MMP26: variants seen among roughly 807,000 people sequenced by gnomAD.
MMP26 encodes the protein matrix metallopeptidase 26, also known as matrix metalloproteinase-26.
In MMP26, 33 loss-of-function variants were observed where a neutral mutation model predicts 31.0. That is an observed-to-expected ratio of 1.06 (90% CI 0.81 to 1.42). The LOEUF (loss-of-function observed/expected upper bound fraction) is 1.42, where lower values mean the gene tolerates loss of function less well. Among genes scored for constraint, MMP26 ranks in the 40% most tolerant of loss-of-function variants. The probability of loss-of-function intolerance (pLI) is 0.00; values close to 1 mark genes in which losing one functional copy is unlikely to be tolerated. For synonymous variants in MMP26, 122 were observed against 114.9 expected, an observed-to-expected ratio of 1.06 and a Z score of -0.40; for missense variants, 347 against 316.1, an observed-to-expected ratio of 1.10 and a Z score of -0.74.
intron 2 of MMP26, among the ~76,000 whole-genome samples, chr11:4,873,427 G>A (rs1167789640): frequency 6.6e-6 from 1 of 152,092 alleles, no homozygotes; most frequent in African/African-American, 2.4e-5. Context: ...AAAGTGCAAA[G>A]TCATTGAGAC....
chr11:4,827,198 G>A (rs537046734), intron 2 of MMP26, among the ~76,000 whole-genome samples: 34 of 152,248 alleles, frequency 2.2e-4, no homozygotes, highest in African/African-American at 6.0e-4. Context: ...TAGAAGCAGC[G>A]AATTCACAGG....
intron 1 of MMP26, among the ~76,000 whole-genome samples, chr11:4,720,276 T>C (rs956496519): frequency 1.3e-5 from 2 of 152,264 alleles, no homozygotes; most frequent in African/African-American, 2.4e-5. Context: ...AGTAATGTCA[T>C]GCTTATTGCT....
intron 1 of MMP26, chr11:4,710,503 A>C (rs1283979571): frequency 2.4e-6 from 1 of 423,980 alleles, no homozygotes; most frequent in Admixed American, 2.5e-5. Context: ...TTTCTTTCTA[A>C]GCTAATTTAG....
At chr11:4,757,212 A>G (rs1589891834) in intron 1 of MMP26, among the ~76,000 whole-genome samples, 1 of 152,218 alleles carries the variant, frequency 6.6e-6, no homozygotes, top group East Asian at 1.9e-4. Flanking sequence ...AGGTGTCAAG[A>G]CAATTAAATG....
chr11:4,832,039 A>C (rs1262588874), intron 2 of MMP26: 2 of 152,186 alleles, frequency 1.3e-5, no homozygotes, highest in Non-Finnish European at 2.9e-5. Flanking sequence ...CAACAACTGA[A>C]CTTAAATATG....
At chr11:4,964,774 G>A (rs1380882801) in intron 2 of MMP26, among the ~76,000 whole-genome samples, 2 of 152,224 alleles carry the variant, frequency 1.3e-5, no homozygotes, top group African/African-American at 4.8e-5. Context: ...GCAGCGACAA[G>A]GATGGAGCTA....
At chr11:4,848,367 G>C in intron 2 of MMP26, 2 of 1,614,162 alleles carry the variant, frequency 1.2e-6, no homozygotes, top group South Asian at 1.1e-5. Context: ...GGATAGAAGA[G>C]TATGGGTATG....
chr11:4,882,504 T>C lies in MMP26; in HGVS notation c.-144-105564T>C, dbSNP rs777754070. The stretch of plus-strand genomic sequence containing the variant: ...CCTTGGATCAGCAGTTTTTGGGGAC[T>C]GTTTCTTCAGCTCTACCTGAATGGC... On this transcript the variant is annotated intron_variant, in intron 2 of 7. Coordinates refer to ENST00000380390, the MANE Select transcript of MMP26 (RefSeq NM_021801.5). 3 of 1,613,852 alleles carry C rather than the reference T, an allele frequency of 1.9e-6. No homozygotes were observed. In the African/African-American group the frequency reaches 4.0e-5, roughly 22 times the overall value.
intron 2 of MMP26, among the ~76,000 whole-genome samples, chr11:4,815,338 C>T (rs1246626129): frequency 1.3e-5 from 2 of 152,088 alleles, no homozygotes; most frequent in Non-Finnish European, 2.9e-5. Flanking sequence ...GGGTGAAATT[C>T]GGCATCACTG....
chr11:4,975,231 A>G (rs1330697552), intron 2 of MMP26, among the ~76,000 whole-genome samples: 3 of 152,108 alleles, frequency 2.0e-5, no homozygotes, highest in East Asian at 1.9e-4. Context: ...ATATTTACCT[A>G]GAGTTTGGAA....
chr11:4,949,949 T>C (rs1043149565), intron 2 of MMP26, among the ~76,000 whole-genome samples: 1 of 123,410 alleles, frequency 8.1e-6, no homozygotes, highest in African/African-American at 2.7e-5. Flanking sequence ...TCCGGAGTCA[T>C]GAAAATTTTA....
At chr11:4,854,860 G>A (rs1350557664) in intron 2 of MMP26, among the ~76,000 whole-genome samples, 5 of 152,148 alleles carry the variant, frequency 3.3e-5, no homozygotes, top group Admixed American at 6.5e-5. Context: ...CCTCTGAGAC[G>A]AAGCTTCCAG....
At chr11:4,822,339 C>T in intron 2 of MMP26, 1 of 1,497,236 alleles carries the variant, frequency 6.7e-7, no homozygotes, top group African/African-American at 1.4e-5. Context: ...AGGCCATTAT[C>T]AAGGTCTTAA....
At chr11:4,808,481 A>C (rs73403027) in intron 2 of MMP26, among the ~76,000 whole-genome samples, 14,967 of 151,970 alleles carry the variant, frequency 0.098, 1,779 homozygotes, top group African/African-American at 0.29. Context: ...GTGTGTGCTG[A>C]TTTCTCGGGG....
At chr11:4,909,526 A>G (rs1589936014) in intron 2 of MMP26, 1 of 152,302 alleles carries the variant, frequency 6.6e-6, no homozygotes, top group East Asian at 1.9e-4. Context: ...TGTCATGACT[A>G]GGAAAGCAGC....
intron 2 of MMP26, among the ~76,000 whole-genome samples, chr11:4,918,258 G>A (rs1418235277): frequency 6.6e-6 from 1 of 152,040 alleles, no homozygotes; most frequent in African/African-American, 2.4e-5. Flanking sequence ...GAAAAATTTT[G>A]GTTAACGAAT....
At chr11:4,850,619 A>C (rs1849961525) in intron 2 of MMP26, among the ~76,000 whole-genome samples, 3 of 152,106 alleles carry the variant, frequency 2.0e-5, no homozygotes, top group Admixed American at 2.0e-4. Context: ...AAATAAAAAA[A>C]CTTGCTAGGT....
intron 2 of MMP26, chr11:4,945,157 A>C (rs1245500714): frequency 2.6e-5 from 4 of 152,176 alleles, no homozygotes; most frequent in Non-Finnish European, 4.4e-5. Flanking sequence ...AGATGAAAGA[A>C]TAAACCCGCA....
At chr11:4,764,717 C>G (rs1848607006) in intron 1 of MMP26, among the ~76,000 whole-genome samples, 1 of 152,038 alleles carries the variant, frequency 6.6e-6, no homozygotes, top group African/African-American at 2.4e-5. Flanking sequence ...ACTAAAAATA[C>G]AAAAAATTAG....
Sources: gnomAD v4.1 joint callset for allele counts (sites outside exome capture counted in the v4.1 genomes callset) on GRCh38, gnomAD v4.1.1 for gene constraint, MANE v1.5 for transcripts, NCBI Gene and HGNC (gene_info 2026-07-23, HGNC 2026-07-21) for gene names.